ANKRD55: variants seen among roughly 807,000 people sequenced by gnomAD.
ANKRD55 encodes the protein ankyrin repeat domain-containing protein 55.
In ANKRD55, 41 loss-of-function variants were observed where a neutral mutation model predicts 60.6. The ratio of observed to expected loss-of-function variants is 0.68; its 90% CI spans 0.53 to 0.88. The LOEUF is 0.88. Ranked by LOEUF, ANKRD55 falls within the 40% of genes least tolerant of loss-of-function variation. The probability of loss-of-function intolerance (pLI) is 0.00; values close to 1 mark genes in which losing one functional copy is unlikely to be tolerated. For missense variants in ANKRD55, 732 were observed against 767.6 expected (o/e 0.95, Z 0.55); for synonymous variants, 264 against 290.3 (o/e 0.91, Z 0.92).
At position 56,206,638 on chromosome 5, in the gene ANKRD55, TTCCA is replaced by T. The variant is rs143067294; in HGVS notation, c.59-23008_59-23005del. On this transcript the variant is annotated intron_variant, in intron 2 of 11. Transcript: ENST00000341048. ...GTGCATAGTTGTGTACCTCTGCTCT[TTCCA>T]TCCCTCCCACAACCCCCACCAGCAG... Among the ~76,000 whole-genome samples the T allele has an allele frequency of 1.7e-3, 263 of 152,258 alleles. 1 individual carries two copies. The highest frequency in any genetic ancestry group is 6.1e-3 in the African/African-American group (252 of 41,552).
intron 2 of ANKRD55, among the ~76,000 whole-genome samples, chr5:56,188,237 C>T (rs1047973755): frequency 6.6e-6 from 1 of 152,146 alleles, no homozygotes; most frequent in Admixed American, 6.5e-5. Flanking sequence ...CTGGGGTTGT[C>T]GAGAACAATA....
chr5:56,215,452 C>T (rs1759781228), intron 2 of ANKRD55, among the ~76,000 whole-genome samples: 1 of 152,220 alleles, frequency 6.6e-6, no homozygotes, highest in Admixed American at 6.5e-5. Flanking sequence ...AAAGGGAAGC[C>T]CAGCCCAGTG....
In ANKRD55 at chr5:56,114,640, C is replaced by T. The variant is rs370251277; in HGVS notation, c.965+1975G>A. Among the ~76,000 whole-genome samples, 79 of 152,268 alleles carry T rather than the reference C, an allele frequency of 5.2e-4. 1 individual carries two copies. Among genetic ancestry groups the T allele is most frequent in the African/African-American group, 1.8e-3 (73 of 41,546 alleles). On this transcript the variant is annotated intron_variant, in intron 9 of 11. Transcript: ENST00000341048. ...CCAATGCAAGGTGTTAATAAAATCA[C>T]GCATGTGTATAAGACCCATTTAAAG... is the stretch of plus-strand genomic sequence containing the variant.
intron 8 of ANKRD55, among the ~76,000 whole-genome samples, chr5:56,124,912 G>C (rs541743697): frequency 6.6e-6 from 1 of 152,332 alleles, no homozygotes; most frequent in South Asian, 2.1e-4. Flanking sequence ...GATTTGATCA[G>C]TACATGAGGC....
intron 8 of ANKRD55, among the ~76,000 whole-genome samples, chr5:56,119,192 A>G (rs1023856395): frequency 1.8e-4 from 28 of 152,250 alleles, no homozygotes; most frequent in African/African-American, 6.8e-4. Context: ...TGAATGGACA[A>G]ACAAACTGTG....
intron 4 of ANKRD55, among the ~76,000 whole-genome samples, chr5:56,175,679 C>G (rs1201865079): frequency 6.6e-6 from 1 of 152,068 alleles, no homozygotes; most frequent in Non-Finnish European, 1.5e-5. Flanking sequence ...TTTGTCTCCC[C>G]TGTTCTTTAT....
intron 7 of ANKRD55, chr5:56,137,165 C>A: frequency 6.6e-7 from 1 of 1,521,564 alleles, no homozygotes; most frequent in Non-Finnish European, 9.1e-7. Context: ...TGTGACGTTA[C>A]AGTGGTGGAG....
intron 5 of ANKRD55, among the ~76,000 whole-genome samples, chr5:56,166,158 T>TTCTTTCC (rs58740295): frequency 2.7e-3 from 196 of 71,760 alleles, no homozygotes; most frequent in Middle Eastern, 5.7e-3. Flanking sequence ...TTCTTTCTTC[T>TTCTTTCC]TTCCTTCCTT....
chr5:56,137,656 C>A (rs1757643320), intron 7 of ANKRD55: 4 of 503,608 alleles, frequency 7.9e-6, no homozygotes, highest in Admixed American at 7.4e-5. Context: ...AAATAATAAT[C>A]CATGGAAGAA....
At chr5:56,127,495 C>T (rs1441187715) in intron 7 of ANKRD55, 3 of 985,082 alleles carry the variant, frequency 3.0e-6, no homozygotes, top group Non-Finnish European at 3.6e-6. Flanking sequence ...AGAGGCTGAC[C>T]ACCAAGAAAC....
rs1758487710 is a variant in ANKRD55 at position 56,166,453 on chromosome 5, A to G, written c.422+4241T>C. 2.6e-5 allele frequency among the ~76,000 whole-genome samples: 4 copies of G among 151,904 alleles called. No homozygotes were observed. The South Asian group carries it at 8.3e-4, about 32-fold the overall frequency. On this transcript the variant is annotated intron_variant, in intron 5 of 11. Transcript: ENST00000341048. Reference sequence around the variant, plus strand: ...TTTAAAAAAATCATTTTTAGAAATGAGGCCTCATTATGTTGCCTAAGCTGG... The same window carrying G: ...TTTAAAAAAATCATTTTTAGAAATGGGGCCTCATTATGTTGCCTAAGCTGG...
At chr5:56,214,150 T>C (rs1759746587) in intron 2 of ANKRD55, among the ~76,000 whole-genome samples, 1 of 152,202 alleles carries the variant, frequency 6.6e-6, no homozygotes, top group African/African-American at 2.4e-5. Context: ...ATGATTCAAT[T>C]ATCTCCACCT....
intron 3 of ANKRD55, among the ~76,000 whole-genome samples, chr5:56,181,146 A>G (rs57485314): frequency 0.3 from 46,302 of 152,118 alleles, 12,811 homozygotes; most frequent in African/African-American, 0.73. Flanking sequence ...GCAGTGAGCC[A>G]AGATTGCACC....
Position 56,170,817 on chromosome 5 carries a change from G to T in ANKRD55, c.313-14C>A, listed in dbSNP as rs1158988654. 1 of 1,609,058 alleles carries T rather than the reference G, an allele frequency of 6.2e-7. No homozygotes were observed. Among genetic ancestry groups the T allele is most frequent in the Non-Finnish European group, 8.5e-7 (1 of 1,175,668 alleles). ...TTCAAGCCAGCCCTGAAATACAAGA[G>T]CAACCACATCATTATATAACAGAAG... is the stretch of plus-strand genomic sequence containing the variant. On this transcript the variant is annotated splice_polypyrimidine_tract_variant and intron_variant, in intron 4 of 11. Coordinates refer to ENST00000341048, the MANE Select transcript of ANKRD55 (RefSeq NM_024669.3).
intron 5 of ANKRD55, among the ~76,000 whole-genome samples, chr5:56,166,157 C>T (rs200022236): frequency 0.074 from 1,273 of 17,178 alleles, 73 homozygotes; most frequent in Non-Finnish European, 0.13. Flanking sequence ...TTTCTTTCTT[C>T]TTTCCTTCCT....
At chr5:56,143,711 T>A in intron 7 of ANKRD55, 90 bp downstream of exon 7, 1 of 1,557,158 alleles carries the variant, frequency 6.4e-7, no homozygotes. Flanking sequence ...AGCTGAAACC[T>A]CCATCTTTAA....
intron 3 of ANKRD55, among the ~76,000 whole-genome samples, chr5:56,182,801 G>A (rs1375290221): frequency 1.3e-5 from 2 of 152,242 alleles, no homozygotes; most frequent in African/African-American, 2.4e-5. Flanking sequence ...TTCCTACTCA[G>A]TCTTTGCTGG....
intron 6 of ANKRD55, among the ~76,000 whole-genome samples, chr5:56,145,981 T>C (rs1360208599): frequency 6.6e-6 from 1 of 152,190 alleles, no homozygotes; most frequent in Non-Finnish European, 1.5e-5. Context: ...CTGGGCACAC[T>C]GGGGTTAGAA....
In ANKRD55 at chr5:56,221,853, C is replaced by T. The variant is rs540325263; in HGVS notation, c.58+11003G>A. Among the ~76,000 whole-genome samples, 7 of 152,310 alleles carry T rather than the reference C, an allele frequency of 4.6e-5. No individual in the cohort carries two copies. In the South Asian group the frequency reaches 6.2e-4, roughly 14 times the overall value. The stretch of plus-strand genomic sequence containing the variant: ...AGGTAAACAAAGCAGCCAGGAAGCT[C>T]GAACTGGGTGGAGCCCACCGCAGTT... On this transcript the variant is annotated intron_variant, in intron 2 of 11. Coordinates refer to ENST00000341048, the MANE Select transcript of ANKRD55 (RefSeq NM_024669.3).
Sources: allele counts gnomAD v4.1 joint callset (sites outside exome capture counted in the v4.1 genomes callset), GRCh38; gene constraint gnomAD v4.1.1; transcripts MANE v1.5; gene names NCBI Gene and HGNC (gene_info 2026-07-23, HGNC 2026-07-21).